The following TMEM135 variants were observed in gnomAD, a reference collection of about 807,000 sequenced individuals.
The protein encoded by TMEM135 is transmembrane protein 135.
In TMEM135, 30 loss-of-function variants were observed where a neutral mutation model predicts 60.3. That is an observed-to-expected ratio of 0.50 (90% CI 0.37 to 0.68). The LOEUF (loss-of-function observed/expected upper bound fraction) is 0.68, where lower values mean the gene tolerates loss of function less well. Among genes scored for constraint, TMEM135 ranks in the 30% least tolerant of loss-of-function variants. The pLI is 0.00. For missense variants in TMEM135, 468 were observed against 548.8 expected, an observed-to-expected ratio of 0.85 and a Z score of 1.47; for synonymous variants, 190 against 186.7, an observed-to-expected ratio of 1.02 and a Z score of -0.14.
Position 87,324,435 on chromosome 11 carries a change from T to A in TMEM135, c.*3102T>A. ...TTCTCCGTGTGATTTATTTTTTTAT[T>A]TTTTGAGTTGAGGTCTAGCTCTGTT... On this transcript the variant is annotated 3_prime_UTR_variant, in exon 15 of 15. Coordinates refer to ENST00000305494, the MANE Select transcript of TMEM135 (RefSeq NM_022918.4). The A allele has an allele frequency of 2.2e-6, 1 of 454,000 alleles. No homozygotes were observed. The highest frequency in any genetic ancestry group is 2.3e-5 in the Admixed American group (1 of 42,560). 28.1% of individuals were successfully genotyped at this position (454,000 alleles called of 1,614,324 possible). A position where few individuals can be genotyped will look rare whatever the true frequency, so the allele number is the denominator to read the frequency against.
intron 6 of TMEM135, among the ~76,000 whole-genome samples, chr11:87,254,026 G>T (rs1323449580): frequency 2.5e-4 from 38 of 151,986 alleles, no homozygotes; most frequent in Admixed American, 2.2e-3. Flanking sequence ...AGCAAGAAGG[G>T]TGTCTTATAT....
At chr11:87,204,037 C>T (rs915308515) in intron 5 of TMEM135, among the ~76,000 whole-genome samples, 1 of 152,054 alleles carries the variant, frequency 6.6e-6, no homozygotes, top group Non-Finnish European at 1.5e-5. Context: ...TTAGAATTAT[C>T]CTTTTTTTTT....
intron 4 of TMEM135, among the ~76,000 whole-genome samples, chr11:87,107,309 C>A (rs1465081856): frequency 6.6e-6 from 1 of 151,960 alleles, no homozygotes; most frequent in African/African-American, 2.4e-5. Flanking sequence ...TACATGTGCA[C>A]AATGTGCAGG....
chr11:87,248,628 A>AT (rs35302450), intron 6 of TMEM135, among the ~76,000 whole-genome samples: 99,417 of 151,146 alleles, frequency 0.66, 33,241 homozygotes, highest in Non-Finnish European at 0.71. Flanking sequence ...AAATTATATG[A>AT]TTTTTTTTTC....
intron 13 of TMEM135, 69 bp from the exon 14 acceptor site, chr11:87,319,241 C>A: frequency 8.0e-7 from 1 of 1,246,242 alleles, no homozygotes; most frequent in Non-Finnish European, 1.2e-6. Context: ...ATCAATACAC[C>A]TTTGTGTATT....
At chr11:87,058,081 G>A (rs1360539642) in intron 1 of TMEM135, among the ~76,000 whole-genome samples, 5 of 152,180 alleles carry the variant, frequency 3.3e-5, no homozygotes, top group Non-Finnish European at 7.3e-5. Flanking sequence ...GGCAGGAGGA[G>A]TTTGTTGTTT....
At chr11:87,246,485 A>G (rs1272042732) in intron 6 of TMEM135, among the ~76,000 whole-genome samples, 4 of 152,220 alleles carry the variant, frequency 2.6e-5, no homozygotes, top group Non-Finnish European at 5.9e-5. Context: ...ACTTTCAGGT[A>G]CACCAGTCAG....
chr11:87,047,087 A>G (rs554655595), intron 1 of TMEM135, among the ~76,000 whole-genome samples: 2 of 152,200 alleles, frequency 1.3e-5, no homozygotes, highest in African/African-American at 4.8e-5. Context: ...AATCCTCACC[A>G]TGGCCTTCAG....
chr11:87,081,093 G>GTTTTT (rs35529723), intron 3 of TMEM135, among the ~76,000 whole-genome samples: 2 of 149,420 alleles, frequency 1.3e-5, no homozygotes. Context: ...TATAATTAAA[G>GTTTTT]TTTTTTTTTT....
At chr11:87,145,434 G>A (rs1938387540) in intron 4 of TMEM135, among the ~76,000 whole-genome samples, 1 of 152,126 alleles carries the variant, frequency 6.6e-6, no homozygotes, top group Non-Finnish European at 1.5e-5. Context: ...CAAATCTTTT[G>A]GGTGAATACC....
intron 5 of TMEM135, among the ~76,000 whole-genome samples, chr11:87,229,629 C>T (rs560717957): frequency 6.6e-5 from 10 of 152,254 alleles, no homozygotes; most frequent in African/African-American, 2.4e-4. Context: ...GAGATGTTTA[C>T]AAAGTATGCT....
intron 3 of TMEM135, among the ~76,000 whole-genome samples, chr11:87,078,426 A>G (rs1217563666): frequency 1.3e-5 from 2 of 152,078 alleles, no homozygotes; most frequent in Non-Finnish European, 2.9e-5. Context: ...TGGGTTATTT[A>G]TCTTTTAATT....
chr11:87,193,764 A>G (rs1591092659), intron 5 of TMEM135, among the ~76,000 whole-genome samples: 1 of 148,248 alleles, frequency 6.7e-6, no homozygotes, highest in South Asian at 2.1e-4. Flanking sequence ...ATATTCTTAT[A>G]TATTATATTA....
intron 2 of TMEM135, among the ~76,000 whole-genome samples, chr11:87,071,257 G>C (rs997642143): frequency 6.6e-6 from 1 of 152,102 alleles, no homozygotes; most frequent in Admixed American, 6.6e-5. Flanking sequence ...TAATATGTGG[G>C]GTAAGGGAAA....
At chr11:87,160,575 AT>A (rs1243060148) in intron 5 of TMEM135, among the ~76,000 whole-genome samples, 1 of 152,216 alleles carries the variant, frequency 6.6e-6, no homozygotes, top group East Asian at 1.9e-4. Flanking sequence ...ATGTACAGTA[AT>A]TCACTTACTT....
intron 5 of TMEM135, among the ~76,000 whole-genome samples, chr11:87,200,224 G>A (rs1013784359): frequency 6.6e-6 from 1 of 152,002 alleles, no homozygotes; most frequent in Non-Finnish European, 1.5e-5. Flanking sequence ...CACCTAAATA[G>A]TTGTAATTAA....
At chr11:87,067,971 T>C in intron 2 of TMEM135, 150 bp downstream of exon 2, 1 of 968,568 alleles carries the variant, frequency 1.0e-6, no homozygotes, top group Non-Finnish European at 1.5e-6. Context: ...TGAAAGCTTG[T>C]AAAACCAGGA....
At chr11:87,225,789 TCAGCTACTTAA>T in intron 5 of TMEM135, among the ~76,000 whole-genome samples, 4 of 152,128 alleles carry the variant, frequency 2.6e-5, no homozygotes, top group Admixed American at 2.6e-4. Context: ...GAGTCTTGCT[TCAGCTACTTAA>T]ATATTCTGTG....
chr11:87,072,302 A>T (rs1193024477), intron 3 of TMEM135, among the ~76,000 whole-genome samples: 1 of 152,160 alleles, frequency 6.6e-6, no homozygotes, highest in Non-Finnish European at 1.5e-5. Flanking sequence ...TATCATCTAG[A>T]TCTGTACTTC....
Sources: gnomAD v4.1 joint callset for allele counts (sites outside exome capture counted in the v4.1 genomes callset) on GRCh38, gnomAD v4.1.1 for gene constraint, MANE v1.5 for transcripts, NCBI Gene and HGNC (gene_info 2026-07-23, HGNC 2026-07-21) for gene names.